DGKB: variants seen among roughly 807,000 people sequenced by gnomAD.
DGKB encodes the protein diacylglycerol kinase beta, also known as 90 kDa diacylglycerol kinase.
DGKB carries 67 observed loss-of-function variants against 114.3 expected under a neutral mutation model. The ratio of observed to expected loss-of-function variants is 0.59; its 90% confidence interval spans 0.48 to 0.72. The LOEUF is 0.72. Among genes scored for constraint, DGKB ranks in the 30% least tolerant of loss-of-function variants. The pLI, the probability that DGKB is intolerant of heterozygous loss-of-function variation, is 0.00. For missense variants in DGKB, 907 were observed against 975.2 expected (o/e 0.93, Z 0.93); for synonymous variants, 398 against 323.1 (o/e 1.23, Z -2.49).
chr7:14,588,701 T>C (rs1801185959), intron 17 of DGKB, among the ~76,000 whole-genome samples: 1 of 152,116 alleles, frequency 6.6e-6, no homozygotes, highest in African/African-American at 2.4e-5. Flanking sequence ...GCAAAGTCCA[T>C]GATAAGTATT....
In DGKB at chr7:14,149,197, G is replaced by C. The variant is rs1222806170; in HGVS notation, c.2346C>G (p.Gly782=). The change falls in exon 26 of 26, where the codon GGC becomes GGG. Residue 782 remains glycine (G), a synonymous_variant. Coordinates refer to ENST00000402815, the MANE Select transcript of DGKB (RefSeq NM_001350709.2). ...AGAATAAACCGGTTTTTGGAGGCGG[G>C]CCCATCAGCATTGGGGCTTGGTTCT... is the stretch of plus-strand genomic sequence containing the variant. ...THKNQAPMLM[G]PPPKTGLFCS... 1 of 1,613,454 alleles carries C rather than the reference G, an allele frequency of 6.2e-7. No individual in the cohort carries two copies.
intron 23 of DGKB, among the ~76,000 whole-genome samples, chr7:14,325,931 A>G (rs960747509): frequency 6.6e-6 from 1 of 152,154 alleles, no homozygotes; most frequent in Non-Finnish European, 1.5e-5. Context: ...ATACAATCTT[A>G]CATTTCTATT....
chr7:14,721,581 C>G (rs891242197), intron 5 of DGKB, among the ~76,000 whole-genome samples: 2 of 151,976 alleles, frequency 1.3e-5, no homozygotes, highest in African/African-American at 2.4e-5. Flanking sequence ...ATATTATTAA[C>G]TGAATATTAA....
At chr7:14,300,549 T>C (rs1040981938) in intron 23 of DGKB, among the ~76,000 whole-genome samples, 2 of 152,136 alleles carry the variant, frequency 1.3e-5, no homozygotes, top group South Asian at 4.1e-4. Context: ...TATAAAGCCA[T>C]TTAATGGAGT....
intron 5 of DGKB, among the ~76,000 whole-genome samples, chr7:14,719,322 T>G (rs1828761160): frequency 6.6e-6 from 1 of 152,156 alleles, no homozygotes; most frequent in Admixed American, 6.5e-5. Flanking sequence ...TCTGACTTTA[T>G]TTCTGAAACC....
intron 1 of DGKB, among the ~76,000 whole-genome samples, chr7:14,892,539 GAATA>G (rs1781413307): frequency 6.6e-6 from 1 of 150,872 alleles, no homozygotes; most frequent in Admixed American, 6.6e-5. Context: ...AAATACATAT[GAATA>G]AATTTACACA....
intron 25 of DGKB, 31 bp downstream of exon 25, chr7:14,176,808 T>C: frequency 6.3e-7 from 1 of 1,589,764 alleles, no homozygotes; most frequent in Non-Finnish European, 8.6e-7. Flanking sequence ...AAACTGAGAT[T>C]GACATAGCAT....
intron 13 of DGKB, among the ~76,000 whole-genome samples, chr7:14,670,405 C>A (rs999210638): frequency 2.0e-5 from 3 of 151,696 alleles, no homozygotes; most frequent in African/African-American, 4.8e-5. Context: ...AGGGTTCAAG[C>A]GATTCCCCTG....
At chr7:14,764,011 A>T (rs1220610738) in intron 2 of DGKB, among the ~76,000 whole-genome samples, 1 of 151,908 alleles carries the variant, frequency 6.6e-6, no homozygotes, top group Non-Finnish European at 1.5e-5. Context: ...CAGTGCTTTC[A>T]AAAGTTTCCT....
chr7:14,243,408 G>A (rs12534434), intron 23 of DGKB, among the ~76,000 whole-genome samples: 125,688 of 152,166 alleles, frequency 0.83, 52,190 homozygotes, highest in East Asian at 0.91. Context: ...CAAGCAATGC[G>A]GAGACATTAA....
chr7:14,272,988 C>G (rs907046966), intron 23 of DGKB, among the ~76,000 whole-genome samples: 2 of 152,092 alleles, frequency 1.3e-5, no homozygotes, highest in African/African-American at 4.8e-5. Flanking sequence ...ATACCCGGAC[C>G]AGGAAATGAA....
intron 5 of DGKB, among the ~76,000 whole-genome samples, chr7:14,733,777 G>GAAA (rs763221578): frequency 0.081 from 11,708 of 143,828 alleles, 665 homozygotes; most frequent in East Asian, 0.19. Flanking sequence ...AAGAAAGAAA[G>GAAA]GAAGAAAGAA....
chr7:14,825,701 C>T lies in DGKB; in HGVS notation c.70+15493G>A, dbSNP rs552643844. 3.3e-5 allele frequency among the ~76,000 whole-genome samples: 5 copies of T among 152,234 alleles called. No homozygotes were observed. The South Asian group carries it at 1.0e-3, about 32-fold the overall frequency. On this transcript the variant is annotated intron_variant, in intron 2 of 25. Transcript: ENST00000402815. ...AACAGGCCATGGTACCAGTACAGGT[C>T]AGTGGCAGGGGTATTGAGGACCCCT...
At chr7:14,427,889 C>T (rs796558322) in intron 21 of DGKB, among the ~76,000 whole-genome samples, 4 of 152,112 alleles carry the variant, frequency 2.6e-5, no homozygotes, top group African/African-American at 9.6e-5. Context: ...TACATTTGGC[C>T]CTATAAAACT....
rs189723089 is a variant in DGKB at position 14,322,077 on chromosome 7, A to G, written c.2122+16438T>C. Among the ~76,000 whole-genome samples the G allele has an allele frequency of 5.9e-5, 9 of 152,340 alleles. No homozygotes were observed. In the East Asian group the frequency reaches 1.3e-3, roughly 23 times the overall value. On this transcript the variant is annotated intron_variant, in intron 23 of 25. Coordinates refer to ENST00000402815, the MANE Select transcript of DGKB (RefSeq NM_001350709.2). ...AGGAAACTGTAGTACTGGCGTAAGGACTGATGAATCGACCCATAGGGTAGA... is the reference window on the plus strand; with the variant it reads ...AGGAAACTGTAGTACTGGCGTAAGGGCTGATGAATCGACCCATAGGGTAGA...
intron 20 of DGKB, among the ~76,000 whole-genome samples, chr7:14,498,378 C>G (rs779088201): frequency 2.6e-5 from 4 of 151,730 alleles, no homozygotes; most frequent in Non-Finnish European, 5.9e-5. Context: ...ATTATACAAT[C>G]ATAATGATAC....
intron 6 of DGKB, among the ~76,000 whole-genome samples, chr7:14,718,281 G>A (rs1828546978): frequency 6.6e-6 from 1 of 152,106 alleles, no homozygotes; most frequent in Non-Finnish European, 1.5e-5. Context: ...CCAGAGAACT[G>A]AGGAACAGCT....
chr7:14,469,578 G>A (rs748419363), intron 21 of DGKB, among the ~76,000 whole-genome samples: 13 of 152,022 alleles, frequency 8.6e-5, no homozygotes, highest in Non-Finnish European at 1.8e-4. Flanking sequence ...GGATACAGAA[G>A]TAAGTGTTCT....
intron 20 of DGKB, among the ~76,000 whole-genome samples, chr7:14,504,321 G>A (rs1018034116): frequency 1.3e-5 from 2 of 152,130 alleles, no homozygotes; most frequent in African/African-American, 4.8e-5. Context: ...TTGGCTGTGC[G>A]CCTTTCTAAT....
Sources: gnomAD v4.1 joint callset for allele counts (sites outside exome capture counted in the v4.1 genomes callset) on GRCh38, gnomAD v4.1.1 for gene constraint, MANE v1.5 for transcripts, NCBI Gene and HGNC (gene_info 2026-07-23, HGNC 2026-07-21) for gene names.